The following AGAP1 variants were observed in gnomAD, a reference collection of about 807,000 sequenced individuals.
AGAP1 encodes the protein arf-GAP with GTPase, ANK repeat and PH domain-containing protein 1.
Under a neutral mutation model 105.3 loss-of-function variants are expected in AGAP1, and 29 were observed. The observed-to-expected ratio is 0.28, with a 90% CI of 0.21 to 0.38. AGAP1 has a LOEUF of 0.38. Ranked by LOEUF, AGAP1 falls within the 10% of genes least tolerant of loss-of-function variation. The pLI is 1.00. For missense variants in AGAP1, 998 were observed against 1,165.1 expected (o/e 0.86, Z 2.09); for synonymous variants, 509 against 485.9 (o/e 1.05, Z -0.63).
chr2:235,807,433 C>A, intron 9 of AGAP1, 102 bp downstream of exon 9: 1 of 1,000,516 alleles, frequency 1.0e-6, no homozygotes. Flanking sequence ...CTGATGTGCT[C>A]TGTTGATGAA....
In AGAP1 at chr2:235,977,524, C is replaced by G. The variant is rs1423320005; in HGVS notation, c.1645+8901C>G. On this transcript the variant is annotated intron_variant, in intron 13 of 17. Coordinates refer to ENST00000304032, the MANE Select transcript of AGAP1 (RefSeq NM_001037131.3). The surrounding 1 kb of genome is among the most constrained non-coding windows in gnomAD (Gnocchi z 5.2). The stretch of plus-strand genomic sequence containing the variant: ...AGCAAGGTATGAGAGGTCCGCATCT[C>G]ATGCACGAGGGTGTTTTTCTCGGCC... Among the ~76,000 whole-genome samples the G allele has an allele frequency of 1.3e-5, 2 of 152,182 alleles. No individual in the cohort carries two copies. The highest frequency in any genetic ancestry group is 4.8e-5 in the African/African-American group (2 of 41,448).
At chr2:235,670,866 C>A in intron 1 of AGAP1, 1 of 1,378,146 alleles carries the variant, frequency 7.3e-7, no homozygotes. Flanking sequence ...GCGGCCGGGG[C>A]CGGCGCGGCC....
chr2:236,085,912 C>T (rs537753733), intron 16 of AGAP1, among the ~76,000 whole-genome samples: 6 of 152,358 alleles, frequency 3.9e-5, no homozygotes, highest in African/African-American at 1.2e-4. Flanking sequence ...GCGTCCAGGC[C>T]GTGGGTTCAT....
intron 13 of AGAP1, among the ~76,000 whole-genome samples, chr2:235,991,856 C>T (rs917649603): frequency 9.2e-5 from 14 of 152,162 alleles, no homozygotes; most frequent in Non-Finnish European, 2.1e-4. Flanking sequence ...GTTCTTTTTA[C>T]CTCTGATTTT....
At position 236,049,105 on chromosome 2, in the gene AGAP1, A is replaced by G. The variant is rs1480205842; in HGVS notation, c.1938A>G (p.Glu646=). 3.7e-6 allele frequency: 6 copies of G among 1,614,200 alleles called. No homozygotes were observed. The highest frequency in any genetic ancestry group is 5.1e-6 in the Non-Finnish European group (6 of 1,180,030). The part of the protein sequence containing the change: ...SLNLGALMCI[E]CSGIHRNLGT... Reference sequence around the variant, plus strand: ...ACTTGGGAGCCCTCATGTGCATCGAATGCTCAGGGATCCACCGGAATCTTG... The same window carrying G: ...ACTTGGGAGCCCTCATGTGCATCGAGTGCTCAGGGATCCACCGGAATCTTG... Residue 646 remains glutamate (E), a synonymous_variant, in exon 16 of 18, where the codon GAA becomes GAG. Coordinates refer to ENST00000304032, the MANE Select transcript of AGAP1 (RefSeq NM_001037131.3).
At chr2:235,938,964 A>G (rs1444163026) in intron 12 of AGAP1, among the ~76,000 whole-genome samples, 1 of 152,172 alleles carries the variant, frequency 6.6e-6, no homozygotes. Flanking sequence ...ATGGAACCCA[A>G]GCAGTGGAAT....
In AGAP1 at chr2:235,992,452, C is replaced by A. The variant is rs1019927404; in HGVS notation, c.1645+23829C>A. Among the ~76,000 whole-genome samples the A allele has an allele frequency of 5.3e-5, 8 of 152,164 alleles. No homozygotes were observed. Among genetic ancestry groups the A allele is most frequent in the Admixed American group, 6.5e-5 (1 of 15,284 alleles). On this transcript the variant is annotated intron_variant, in intron 13 of 17. Transcript: ENST00000304032. The surrounding 1 kb of genome is among the most constrained non-coding windows in gnomAD (Gnocchi z 4.8). The stretch of plus-strand genomic sequence containing the variant: ...TGGCAGGGGACCCTCCATGTGGGGA[C>A]AGAGACTGCCACCCATTCCTTTCTG...
intron 9 of AGAP1, among the ~76,000 whole-genome samples, chr2:235,840,882 A>G (rs796533597): frequency 2.6e-5 from 4 of 151,976 alleles, no homozygotes; most frequent in Non-Finnish European, 4.4e-5. Flanking sequence ...ATTTGGTGCA[A>G]TGAGAGCTAA....
Position 235,787,621 on chromosome 2 carries a change from A to G in AGAP1, c.674-10138A>G, listed in dbSNP as rs1039992017. Among the ~76,000 whole-genome samples, 3 of 152,218 alleles carry G rather than the reference A, an allele frequency of 2.0e-5. No individual in the cohort carries two copies. Among genetic ancestry groups the G allele is most frequent in the African/African-American group, 4.8e-5 (2 of 41,464 alleles). On this transcript the variant is annotated intron_variant, in intron 6 of 17. Coordinates refer to ENST00000304032, the MANE Select transcript of AGAP1 (RefSeq NM_001037131.3). The surrounding 1 kb of genome is among the most constrained non-coding windows in gnomAD (Gnocchi z 4.4). The stretch of plus-strand genomic sequence containing the variant: ...TCCCACATCTAGCAAATTGCCTGGC[A>G]TATACTAGTTGCTCAATAAAAACAG...
chr2:235,799,933 C>G lies in AGAP1; in HGVS notation c.957+411C>G, dbSNP rs146442865. Among the ~76,000 whole-genome samples the G allele has an allele frequency of 8.3e-3, 1,269 of 152,018 alleles. 9 individuals carry two copies. Among genetic ancestry groups the G allele is most frequent in the Non-Finnish European group, 0.013 (909 of 67,974 alleles). On this transcript the variant is annotated intron_variant, in intron 8 of 17. Transcript: ENST00000304032. This position sits in a 1 kb window ranked among gnomAD's most constrained non-coding sequence, Gnocchi z 5.0. ...CTTCTTCTTCTGCTGGGGTGCCTGG[C>G]GCTGCCCTCGGGGTGGAGGTGGGGG...
chr2:235,640,377 C>A (rs1380195247), intron 1 of AGAP1, among the ~76,000 whole-genome samples: 2 of 152,216 alleles, frequency 1.3e-5, no homozygotes, highest in African/African-American at 4.8e-5. Context: ...ATTCAAGGGT[C>A]CAGGGAGGCT....
chr2:235,991,831 C>T (rs959129089), intron 13 of AGAP1, among the ~76,000 whole-genome samples: 5 of 152,132 alleles, frequency 3.3e-5, no homozygotes, highest in South Asian at 4.1e-4. Flanking sequence ...CTCATTGCTC[C>T]GACTTTGGAA....
chr2:235,540,192 C>T (rs1943390260), intron 1 of AGAP1, among the ~76,000 whole-genome samples: 1 of 148,976 alleles, frequency 6.7e-6, no homozygotes, highest in Non-Finnish European at 1.5e-5. Context: ...ACTCTGTTGC[C>T]CAGGCTGGAG....
chr2:236,009,150 A>G lies in AGAP1; in HGVS notation c.1646-27411A>G, dbSNP rs2125552709. On this transcript the variant is annotated intron_variant, in intron 13 of 17. Coordinates refer to ENST00000304032, the MANE Select transcript of AGAP1 (RefSeq NM_001037131.3). This position sits in a 1 kb window ranked among gnomAD's most constrained non-coding sequence, Gnocchi z 4.2. ...AAGTAGTGAGTTCACATAGTCGAAGAATCTTCTGGGTTGCATCTTATGAAA... is the reference window on the plus strand; with the variant it reads ...AAGTAGTGAGTTCACATAGTCGAAGGATCTTCTGGGTTGCATCTTATGAAA... Among the ~76,000 whole-genome samples, 1 of 152,348 alleles carries G rather than the reference A, an allele frequency of 6.6e-6. No homozygotes were observed. The highest frequency in any genetic ancestry group is 1.9e-4 in the East Asian group (1 of 5,190).
chr2:235,807,986 G>A (rs182114295), intron 9 of AGAP1, among the ~76,000 whole-genome samples: 1 of 152,060 alleles, frequency 6.6e-6, no homozygotes, highest in African/African-American at 2.4e-5. Flanking sequence ...TTGCTAGCCT[G>A]GAACAGGGTT....
chr2:235,544,579 C>T (rs951534870), intron 1 of AGAP1, among the ~76,000 whole-genome samples: 4 of 152,310 alleles, frequency 2.6e-5, no homozygotes, highest in East Asian at 1.9e-4. Context: ...CTATTATGCA[C>T]GAAGTCATCC....
At chr2:236,006,074 C>G (rs1041591206) in intron 13 of AGAP1, among the ~76,000 whole-genome samples, 2 of 152,128 alleles carry the variant, frequency 1.3e-5, no homozygotes, top group African/African-American at 4.8e-5. Flanking sequence ...TGACTATATT[C>G]AGTTGTCTAT....
chr2:235,537,684 T>C (rs1943286096), intron 1 of AGAP1, among the ~76,000 whole-genome samples: 1 of 152,226 alleles, frequency 6.6e-6, no homozygotes, highest in Non-Finnish European at 1.5e-5. Context: ...ACTTAAATTG[T>C]TGAGTTCCCA....
chr2:235,501,095 G>C (rs1035985073), intron 1 of AGAP1, among the ~76,000 whole-genome samples: 1 of 152,134 alleles, frequency 6.6e-6, no homozygotes, highest in Admixed American at 6.5e-5. Flanking sequence ...GCCACTCCCG[G>C]ATTCCTTAGC....
Sources: gnomAD v4.1 joint callset for allele counts (sites outside exome capture counted in the v4.1 genomes callset) on GRCh38, gnomAD v4.1.1 for gene constraint, Gnocchi (gnomAD v3.1) non-coding constraint, MANE v1.5 for transcripts, NCBI Gene and HGNC (gene_info 2026-07-23, HGNC 2026-07-21) for gene names.